Variants in MCHR2 observed in about 807,000 individuals in gnomAD.
MCHR2 encodes the protein melanin concentrating hormone receptor 2.
In MCHR2, 15 loss-of-function variants were observed where a neutral mutation model predicts 24.8. That is an observed-to-expected ratio of 0.60 (90% CI 0.40 to 0.93). The LOEUF (loss-of-function observed/expected upper bound fraction) is 0.93. MCHR2 is among the 40% of genes least tolerant of loss of function. The pLI is 0.00. For missense variants in MCHR2, 386 were observed against 408.7 expected (o/e 0.94, Z 0.48); for synonymous variants, 151 against 147.6 (o/e 1.02, Z -0.17).
intron 5 of MCHR2, among the ~76,000 whole-genome samples, chr6:99,922,794 A>G (rs1224379343): frequency 6.6e-6 from 1 of 151,960 alleles, no homozygotes; most frequent in Non-Finnish European, 1.5e-5. Context: ...GTTACCATAG[A>G]TCTGTAGTAT....
At chr6:99,963,656 T>C (rs752252823) in intron 1 of MCHR2, among the ~76,000 whole-genome samples, 3 of 152,144 alleles carry the variant, frequency 2.0e-5, no homozygotes, top group Non-Finnish European at 4.4e-5. Context: ...TATCATGTTA[T>C]ATGTTTTCTT....
intron 5 of MCHR2, among the ~76,000 whole-genome samples, chr6:99,929,784 CTT>C (rs1349328717): frequency 4.6e-5 from 7 of 150,920 alleles, no homozygotes; most frequent in African/African-American, 1.7e-4. Context: ...CATCTTGACT[CTT>C]TATCCAATTT....
chr6:99,967,007 T>C (rs915152847), intron 1 of MCHR2, among the ~76,000 whole-genome samples: 1 of 152,156 alleles, frequency 6.6e-6, no homozygotes, highest in African/African-American at 2.4e-5. Flanking sequence ...CCATCCTGAA[T>C]ATTAAAGAAA....
intron 3 of MCHR2, among the ~76,000 whole-genome samples, chr6:99,945,184 A>G (rs1353057094): frequency 1.3e-5 from 2 of 152,196 alleles, no homozygotes; most frequent in African/African-American, 2.4e-5. Context: ...TGAAAGCCCC[A>G]TGAGGGCAGG....
intron 4 of MCHR2, among the ~76,000 whole-genome samples, chr6:99,935,782 T>C (rs1774646302): frequency 6.6e-6 from 1 of 151,644 alleles, no homozygotes; most frequent in Non-Finnish European, 1.5e-5. Context: ...GAGGAGCCTT[T>C]ATAGTGATTG....
intron 1 of MCHR2, among the ~76,000 whole-genome samples, chr6:99,959,109 A>T (rs1582393633): frequency 6.6e-6 from 1 of 152,228 alleles, no homozygotes; most frequent in East Asian, 1.9e-4. Flanking sequence ...TGGTTTCTCT[A>T]TAGCTCAAAC....
intron 4 of MCHR2, among the ~76,000 whole-genome samples, chr6:99,935,043 T>C (rs1157910373): frequency 6.6e-6 from 1 of 152,030 alleles, no homozygotes; most frequent in Non-Finnish European, 1.5e-5. Context: ...AAGTAATGAA[T>C]AAACAATATT....
At chr6:99,929,420 C>G (rs1774451155) in intron 5 of MCHR2, among the ~76,000 whole-genome samples, 2 of 152,088 alleles carry the variant, frequency 1.3e-5, no homozygotes, top group Admixed American at 6.5e-5. Flanking sequence ...ATTGATCTGT[C>G]TAATGTTGAC....
intron 2 of MCHR2, 112 bp from the exon 3 acceptor site, chr6:99,948,083 A>C: frequency 1.1e-6 from 1 of 887,366 alleles, no homozygotes; most frequent in Non-Finnish European, 1.7e-6. Flanking sequence ...ATGTTAAAGG[A>C]AAACCTATAC....
rs562475695 is a variant in MCHR2 at position 99,991,219 on chromosome 6, A to T, written c.-28+2717T>A. On this transcript the variant is annotated intron_variant, in intron 1 of 5. Transcript: ENST00000281806. ...TCCACAGGAGACCCTAGCGGTGAAT[A>T]CATGCTCTCCAGGCACAGCTTCTGG... 5.3e-5 allele frequency among the ~76,000 whole-genome samples: 8 copies of T among 152,160 alleles called. No homozygotes were observed. In the South Asian group the frequency reaches 1.2e-3, roughly 24 times the overall value.
intron 4 of MCHR2, among the ~76,000 whole-genome samples, chr6:99,942,229 C>T (rs1392550896): frequency 1.3e-5 from 2 of 152,134 alleles, no homozygotes; most frequent in South Asian, 2.1e-4. Flanking sequence ...GAAAGCTAGA[C>T]ATCTGAAATC....
At chr6:99,947,630 C>G in intron 3 of MCHR2, 132 bp downstream of exon 3, 1 of 717,080 alleles carries the variant, frequency 1.4e-6, no homozygotes, top group Non-Finnish European at 2.2e-6. Context: ...CTTAAGTAAT[C>G]AGTTCTACAG....
At chr6:99,985,586 C>A (rs1382566589) in intron 1 of MCHR2, among the ~76,000 whole-genome samples, 1 of 152,048 alleles carries the variant, frequency 6.6e-6, no homozygotes, top group Non-Finnish European at 1.5e-5. Flanking sequence ...GAAGTACACC[C>A]TATTAAATAA....
intron 1 of MCHR2, among the ~76,000 whole-genome samples, chr6:99,982,777 C>T (rs1363224036): frequency 4.6e-5 from 7 of 152,068 alleles, no homozygotes; most frequent in Non-Finnish European, 1.0e-4. Context: ...ATTGAGCACT[C>T]AAACATTAGA....
chr6:99,978,865 G>A (rs1316779187), intron 1 of MCHR2, among the ~76,000 whole-genome samples: 1 of 152,182 alleles, frequency 6.6e-6, no homozygotes, highest in African/African-American at 2.4e-5. Context: ...TGGTTAGTGG[G>A]CTTTTAATTA....
At chr6:99,971,611 G>T (rs1394455225) in intron 1 of MCHR2, among the ~76,000 whole-genome samples, 1 of 152,146 alleles carries the variant, frequency 6.6e-6, no homozygotes, top group African/African-American at 2.4e-5. Flanking sequence ...AATGGGAGTG[G>T]TGAGAGAGGG....
At chr6:99,965,578 C>T (rs1467684847) in intron 1 of MCHR2, among the ~76,000 whole-genome samples, 2 of 151,936 alleles carry the variant, frequency 1.3e-5, no homozygotes, top group Non-Finnish European at 2.9e-5. Flanking sequence ...CAATGAAATA[C>T]TAGTGTTTAA....
At chr6:99,956,276 A>T (rs1055138373) in intron 1 of MCHR2, 102 bp from the exon 2 acceptor site, 2 of 785,944 alleles carry the variant, frequency 2.5e-6, no homozygotes, top group African/African-American at 3.6e-5. Context: ...TTTTAAAACC[A>T]AGATTCCATG....
chr6:99,954,565 C>T (rs1429858283), intron 2 of MCHR2, among the ~76,000 whole-genome samples: 2 of 152,154 alleles, frequency 1.3e-5, no homozygotes, highest in East Asian at 3.9e-4. Flanking sequence ...CAGCTGCTGT[C>T]ATTTCACAGC....
Sources: gnomAD v4.1 joint callset for allele counts (sites outside exome capture counted in the v4.1 genomes callset) on GRCh38, gnomAD v4.1.1 for gene constraint, MANE v1.5 for transcripts, NCBI Gene and HGNC (gene_info 2026-07-23, HGNC 2026-07-21) for gene names.